Variants in SOS1 observed in about 807,000 individuals in gnomAD.
SOS1 encodes son of sevenless homolog 1.
SOS1 carries 25 observed loss-of-function variants against 157.6 expected under a neutral mutation model. That is an observed-to-expected ratio of 0.16 (90% CI 0.12 to 0.22). The LOEUF (loss-of-function observed/expected upper bound fraction) is 0.22. SOS1 is among the 10% of genes least tolerant of loss of function. The pLI is 1.00. For missense variants in SOS1, 1,237 were observed against 1,599.1 expected (o/e 0.77, Z 3.86); for synonymous variants, 528 against 534.0 (o/e 0.99, Z 0.16).
intron 1 of SOS1, among the ~76,000 whole-genome samples, chr2:39,094,007 T>G (rs1255097961): frequency 6.6e-6 from 1 of 152,016 alleles, no homozygotes; most frequent in Non-Finnish European, 1.5e-5. Context: ...GGAGGCTGAG[T>G]TTTTCTTCAT....
intron 1 of SOS1, among the ~76,000 whole-genome samples, chr2:39,117,754 A>G (rs1220225947): frequency 3.3e-5 from 5 of 152,206 alleles, no homozygotes. Context: ...ACTCAATTAG[A>G]GAAGTCGGAG....
At chr2:39,023,983 G>C in intron 9 of SOS1, 27 bp downstream of exon 9, 1 of 1,534,220 alleles carries the variant, frequency 6.5e-7, no homozygotes, top group East Asian at 2.3e-5. Flanking sequence ...GGGAAAAAAG[G>C]ATATTTTAAA....
chr2:39,124,521 C>T (rs1674009679), upstream of SOS1, among the ~76,000 whole-genome samples: 1 of 152,246 alleles, frequency 6.6e-6, no homozygotes, highest in African/African-American at 2.4e-5. Flanking sequence ...GGGCGTTTGG[C>T]CCTTCAGTGT....
At chr2:39,099,775 T>G (rs1298528304) in intron 1 of SOS1, among the ~76,000 whole-genome samples, 1 of 152,196 alleles carries the variant, frequency 6.6e-6, no homozygotes, top group Non-Finnish European at 1.5e-5. Flanking sequence ...AGTCTCACTC[T>G]GTGCCCAGGC....
intron 1 of SOS1, among the ~76,000 whole-genome samples, chr2:39,092,690 T>C (rs1672637192): frequency 6.6e-6 from 1 of 152,120 alleles, no homozygotes; most frequent in Non-Finnish European, 1.5e-5. Flanking sequence ...AATGAAATGA[T>C]TAAAAACCAA....
At chr2:39,056,080 T>C (rs1388494968) in intron 4 of SOS1, among the ~76,000 whole-genome samples, 1 of 152,152 alleles carries the variant, frequency 6.6e-6, no homozygotes. Flanking sequence ...TTTTGAAAAA[T>C]TGTTTTTAAG....
chr2:39,077,291 G>A (rs868502311), intron 1 of SOS1, among the ~76,000 whole-genome samples: 25 of 149,624 alleles, frequency 1.7e-4, no homozygotes, highest in African/African-American at 5.9e-4. Flanking sequence ...GCAGTGAGCC[G>A]AGATCGTGCC....
intron 6 of SOS1, among the ~76,000 whole-genome samples, chr2:39,036,010 C>A (rs1292842371): frequency 3.9e-5 from 6 of 152,144 alleles, no homozygotes; most frequent in African/African-American, 1.4e-4. Flanking sequence ...AAAATCCGAA[C>A]TGCCCAAAAT....
At chr2:39,124,542 G>A (rs1674010176), upstream of SOS1, among the ~76,000 whole-genome samples, 1 of 152,268 alleles carries the variant, frequency 6.6e-6, no homozygotes, top group Admixed American at 6.5e-5. Flanking sequence ...GCCCCCTGCA[G>A]GTGCAAGTGC....
chr2:39,084,043 C>T lies in SOS1; in HGVS notation c.88-16290G>A, dbSNP rs143083327. Among the ~76,000 whole-genome samples the T allele has an allele frequency of 6.5e-4, 99 of 152,086 alleles. 1 individual carries two copies. In the East Asian group the frequency reaches 0.018, roughly 27 times the overall value. ...GAAAATTTGAACACAGAAGACAGAC[C>T]ACGTGAAGAAACAGGGAGAAGACAG... On this transcript the variant is annotated intron_variant, in intron 1 of 22. Coordinates refer to ENST00000402219, the MANE Select transcript of SOS1 (RefSeq NM_005633.4).
intron 1 of SOS1, among the ~76,000 whole-genome samples, chr2:39,095,735 C>T (rs986904879): frequency 6.6e-6 from 1 of 152,096 alleles, no homozygotes; most frequent in African/African-American, 2.4e-5. Flanking sequence ...TAGGATAGAG[C>T]CATGTGCAAA....
At chr2:39,066,579 C>A (rs1671596177) in intron 2 of SOS1, among the ~76,000 whole-genome samples, 2 of 152,140 alleles carry the variant, frequency 1.3e-5, no homozygotes, top group Admixed American at 1.3e-4. Context: ...TATCAGTTGC[C>A]CCTTTCATGG....
intron 1 of SOS1, among the ~76,000 whole-genome samples, chr2:39,071,962 T>A (rs553841103): frequency 6.6e-6 from 1 of 152,052 alleles, no homozygotes; most frequent in Admixed American, 6.5e-5. Context: ...TCTAAGCTAT[T>A]TGAATTTCAA....
intron 1 of SOS1, among the ~76,000 whole-genome samples, chr2:39,086,599 T>G (rs1011026580): frequency 6.6e-6 from 1 of 152,172 alleles, no homozygotes; most frequent in African/African-American, 2.4e-5. Flanking sequence ...CACTATAAAA[T>G]AAAAATGCCC....
At chr2:39,027,830 ATTTT>A (rs375324523) in intron 8 of SOS1, among the ~76,000 whole-genome samples, 13 of 142,732 alleles carry the variant, frequency 9.1e-5, no homozygotes, top group Non-Finnish European at 1.5e-5. Flanking sequence ...TCATATTATT[ATTTT>A]TTTTTTTTTT....
chr2:39,057,328 C>T (rs905034449), intron 3 of SOS1, among the ~76,000 whole-genome samples: 2 of 152,028 alleles, frequency 1.3e-5, no homozygotes, highest in South Asian at 2.1e-4. Context: ...AAAACCACAG[C>T]GGGCATATTC....
At chr2:39,015,031 T>G (rs1453255519) in intron 10 of SOS1, among the ~76,000 whole-genome samples, 185 bp from the exon 11 acceptor site, 1 of 152,094 alleles carries the variant, frequency 6.6e-6, no homozygotes, top group Non-Finnish European at 1.5e-5. Context: ...GTGGTGATAT[T>G]AAAACTTTAC....
At chr2:39,085,609 T>C (rs1672342252) in intron 1 of SOS1, among the ~76,000 whole-genome samples, 1 of 152,218 alleles carries the variant, frequency 6.6e-6, no homozygotes, top group Non-Finnish European at 1.5e-5. Flanking sequence ...TTCAAACTTC[T>C]CCAAATGAAT....
At chr2:39,020,562 GGGGA>G (rs1669766162) in intron 10 of SOS1, among the ~76,000 whole-genome samples, 1 of 151,610 alleles carries the variant, frequency 6.6e-6, no homozygotes, top group Non-Finnish European at 1.5e-5. Flanking sequence ...TTTTCTCTTT[GGGGA>G]GGCTGAAGAA....
Sources: gnomAD v4.1 joint callset for allele counts (sites outside exome capture counted in the v4.1 genomes callset) on GRCh38, gnomAD v4.1.1 for gene constraint, MANE v1.5 for transcripts, NCBI Gene and HGNC (gene_info 2026-07-23, HGNC 2026-07-21) for gene names.